Variants in RGS6 observed in about 807,000 individuals in gnomAD.
The protein encoded by RGS6 is regulator of G-protein signaling 6.
RGS6 carries 30 observed loss-of-function variants against 78.5 expected under a neutral mutation model. The ratio of observed to expected loss-of-function variants is 0.38; its 90% CI spans 0.29 to 0.52. The LOEUF (loss-of-function observed/expected upper bound fraction) is 0.52, where lower values mean the gene tolerates loss of function less well. RGS6 is among the 20% of genes least tolerant of loss of function. The probability of loss-of-function intolerance (pLI) is 0.85; values close to 1 mark genes in which losing one functional copy is unlikely to be tolerated. For missense variants in RGS6, 495 were observed against 609.7 expected (o/e 0.81, Z 1.98); for synonymous variants, 206 against 206.0 (o/e 1.00, Z 0.00).
chr14:72,520,143 T>C (rs912218655), intron 15 of RGS6, among the ~76,000 whole-genome samples: 13 of 151,822 alleles, frequency 8.6e-5, no homozygotes, highest in African/African-American at 3.2e-4. Context: ...TCTGTAAACT[T>C]AGATATGTAT....
chr14:72,629,666 T>A, the RGS6 span: 11 of 1,536,124 alleles, frequency 7.2e-6, no homozygotes, highest in East Asian at 2.7e-4. Context: ...ATTTGCACTC[T>A]ATGCACTGCC....
chr14:71,958,543 C>T (rs571454583), intron 1 of RGS6, among the ~76,000 whole-genome samples: 17 of 152,296 alleles, frequency 1.1e-4, no homozygotes, highest in African/African-American at 2.9e-4. Flanking sequence ...ATGTTGCTTA[C>T]GGCCACACAG....
chr14:72,623,734 A>C, the RGS6 span, among the ~76,000 whole-genome samples: 1 of 152,220 alleles, frequency 6.6e-6, no homozygotes, highest in East Asian at 1.9e-4. Context: ...CTTTAAAACA[A>C]GCAAAAAATA....
chr14:72,470,204 G>A, intron 8 of RGS6, 121 bp downstream of exon 8: 3 of 683,570 alleles, frequency 4.4e-6, no homozygotes, highest in Middle Eastern at 2.4e-4. Flanking sequence ...AATAGGGCCT[G>A]AGAGCAACTG....
chr14:72,225,105 G>C (rs747844377), intron 2 of RGS6, among the ~76,000 whole-genome samples: 1 of 152,128 alleles, frequency 6.6e-6, no homozygotes, highest in African/African-American at 2.4e-5. Flanking sequence ...CTGAAGGTGC[G>C]TTTGATGAAT....
At chr14:72,304,662 T>C (rs2066837474) in intron 2 of RGS6, among the ~76,000 whole-genome samples, 2 of 152,260 alleles carry the variant, frequency 1.3e-5, no homozygotes, top group South Asian at 4.2e-4. Flanking sequence ...GTGGATCACC[T>C]GAGGTCAGGA....
At chr14:72,355,736 A>G (rs563843365) in intron 3 of RGS6, among the ~76,000 whole-genome samples, 1 of 152,296 alleles carries the variant, frequency 6.6e-6, no homozygotes, top group East Asian at 1.9e-4. Context: ...CAGCTTTGGA[A>G]TAGGTGCTCA....
At chr14:72,335,675 T>A (rs2075894457) in intron 2 of RGS6, among the ~76,000 whole-genome samples, 2 of 152,150 alleles carry the variant, frequency 1.3e-5, no homozygotes, top group South Asian at 4.1e-4. Flanking sequence ...TGGGCCACAA[T>A]GGAAGAAGAA....
intron 2 of RGS6, among the ~76,000 whole-genome samples, chr14:72,121,598 A>G (rs989603689): frequency 1.3e-5 from 2 of 152,126 alleles, no homozygotes; most frequent in Non-Finnish European, 2.9e-5. Flanking sequence ...AGGTGGTGAG[A>G]GTTTATTGCT....
intron 1 of RGS6, among the ~76,000 whole-genome samples, chr14:71,954,278 T>C (rs1366189163): frequency 6.6e-6 from 1 of 151,990 alleles, no homozygotes; most frequent in Non-Finnish European, 1.5e-5. Flanking sequence ...TTCTTTCTTC[T>C]CTTCTTGGAA....
At chr14:72,052,812 G>A (rs1165520983) in intron 2 of RGS6, among the ~76,000 whole-genome samples, 1 of 152,150 alleles carries the variant, frequency 6.6e-6, no homozygotes, top group African/African-American at 2.4e-5. Flanking sequence ...GCCCACAAAA[G>A]TATGTTTTTA....
In RGS6 at chr14:72,495,172, A is replaced by C. The variant is rs1238573436; in HGVS notation, c.875A>C (p.Gln292Pro). Residue 292 changes from glutamine (Q) to proline (P), a missense_variant, in exon 13 of 18, where the codon CAA (glutamine) becomes CCA (proline). Coordinates refer to ENST00000553525, the MANE Select transcript of RGS6 (RefSeq NM_001204424.2). ...VAESLIAYTEQYVEYDPLITP... is the reference protein window; with the variant it reads ...VAESLIAYTEPYVEYDPLITP... ...TGCAGTTTAATTGCCTACACGGAAC[A>C]ATATGTGGAATATGACCCTTTGATA... 1.2e-6 allele frequency: 2 copies of C among 1,612,750 alleles called. No individual in the cohort carries two copies. Among genetic ancestry groups the C allele is most frequent in the Non-Finnish European group, 1.7e-6 (2 of 1,178,780 alleles).
chr14:72,226,589 A>C (rs1475606502), intron 2 of RGS6, among the ~76,000 whole-genome samples: 1 of 152,216 alleles, frequency 6.6e-6, no homozygotes, highest in Non-Finnish European at 1.5e-5. Flanking sequence ...CAGTGGCATC[A>C]ATATCAACTG....
At chr14:72,532,537 T>A (rs1356842180) in intron 15 of RGS6, among the ~76,000 whole-genome samples, 1 of 152,242 alleles carries the variant, frequency 6.6e-6, no homozygotes, top group African/African-American at 2.4e-5. Flanking sequence ...TTAAGCTTAG[T>A]GAGGAAGGCA....
chr14:72,071,525 C>T (rs1210757144), intron 2 of RGS6, among the ~76,000 whole-genome samples: 1 of 152,196 alleles, frequency 6.6e-6, no homozygotes, highest in African/African-American at 2.4e-5. Flanking sequence ...TAGCGGTACA[C>T]AAGAGTTTCT....
intron 17 of RGS6, chr14:72,550,706 G>T: frequency 7.2e-7 from 1 of 1,395,166 alleles, no homozygotes. Context: ...ACAATCCGGT[G>T]GTTTTACACC....
At chr14:71,939,466 C>T (rs1427788664) in intron 1 of RGS6, among the ~76,000 whole-genome samples, 3 of 152,196 alleles carry the variant, frequency 2.0e-5, no homozygotes, top group Admixed American at 2.0e-4. Context: ...CAAGGTCTCT[C>T]TGAATAAGAT....
chr14:72,335,018 G>C (rs895342951), intron 2 of RGS6, among the ~76,000 whole-genome samples: 1 of 147,158 alleles, frequency 6.8e-6, no homozygotes, highest in African/African-American at 2.4e-5. Flanking sequence ...ATTGAATCAT[G>C]GGGGGGCAGG....
chr14:71,891,558 A>G, the RGS6 span, among the ~76,000 whole-genome samples: 8 of 152,204 alleles, frequency 5.3e-5, no homozygotes, highest in Admixed American at 3.3e-4. Context: ...GGAAGCTAAA[A>G]GCTTCAGAAG....
Sources: allele counts gnomAD v4.1 joint callset (sites outside exome capture counted in the v4.1 genomes callset), GRCh38; gene constraint gnomAD v4.1.1; transcripts MANE v1.5; gene names NCBI Gene and HGNC (gene_info 2026-07-23, HGNC 2026-07-21).